CLCA4: variants seen among roughly 807,000 people sequenced by gnomAD.
CLCA4 encodes the protein chloride channel accessory 4, also known as calcium-activated chloride channel regulator 4.
Under a neutral mutation model 78.9 loss-of-function variants are expected in CLCA4, and 69 were observed. The observed-to-expected ratio is 0.87, with a 90% CI of 0.72 to 1.07. The LOEUF (loss-of-function observed/expected upper bound fraction) is 1.07. Ranked by LOEUF, CLCA4 falls within the 50% of genes least tolerant of loss-of-function variation. The pLI is 0.00. For synonymous variants in CLCA4, 362 were observed against 375.8 expected (o/e 0.96, Z 0.42); for missense variants, 1,133 against 1,095.8 (o/e 1.03, Z -0.48).
chr1:86,564,379 C>G (rs994715932), intron 4 of CLCA4, among the ~76,000 whole-genome samples: 1 of 152,140 alleles, frequency 6.6e-6, no homozygotes, highest in African/African-American at 2.4e-5. Flanking sequence ...TGATTTCAAT[C>G]AAGGTCCTTC....
chr1:86,573,651 G>A (rs1372651958), intron 9 of CLCA4, among the ~76,000 whole-genome samples: 1 of 151,986 alleles, frequency 6.6e-6, no homozygotes, highest in Non-Finnish European at 1.5e-5. Context: ...GATATAACCT[G>A]CAAACAAGTT....
chr1:86,553,266 G>C, intron 1 of CLCA4: 1 of 855,210 alleles, frequency 1.2e-6, no homozygotes. Flanking sequence ...CGAGGACACG[G>C]TCTTCAAGCC....
At position 86,554,986 on chromosome 1, in the gene CLCA4, G is replaced by A. The variant is rs921852623; in HGVS notation, c.160-4946G>A. Among the ~76,000 whole-genome samples the A allele has an allele frequency of 1.0e-4, 15 of 150,440 alleles. No homozygotes were observed. In the East Asian group the frequency reaches 2.7e-3, roughly 28 times the overall value. On this transcript the variant is annotated intron_variant, in intron 1 of 13. Transcript: ENST00000370563. ...ATACTGAGCTTTTTTTCACTTGCTT[G>A]TTGGCCACATGTCTATCTTCTTTTG...
Position 86,572,694 on chromosome 1 carries a change from AC to A in CLCA4, c.1442del (p.Thr481MetfsTer15). 1 of 1,598,340 alleles carries A rather than the reference AC, an allele frequency of 6.3e-7. No individual in the cohort carries two copies. Among genetic ancestry groups the A allele is most frequent in the African/African-American group, 1.3e-5 (1 of 74,742 alleles). Reference sequence around the variant, plus strand: ...TTTTGGGGCTCTTACATCAGGAAATACTGATCTCTCCCAGAAGTCCCTTCAG... The same window carrying A: ...TTTTGGGGCTCTTACATCAGGAAATATGATCTCTCCCAGAAGTCCCTTCAG... ...DAFGALTSGN[T>X]DLSQKSLQLE... is the part of the protein sequence containing the mutation. On this transcript the variant is annotated frameshift_variant, in exon 9 of 14. Transcript: ENST00000370563. LOFTEE classifies it high-confidence loss of function.
intron 1 of CLCA4, among the ~76,000 whole-genome samples, chr1:86,557,034 A>G (rs981279748): frequency 1.3e-5 from 2 of 152,020 alleles, no homozygotes; most frequent in African/African-American, 2.4e-5. Context: ...AGGGGTCAGC[A>G]TTAACATTCC....
chr1:86,563,638 G>T (rs747356384), intron 3 of CLCA4, 23 bp from the exon 4 acceptor site: 1 of 1,211,290 alleles, frequency 8.3e-7, no homozygotes, highest in East Asian at 2.4e-5. Context: ...TTATGATCAT[G>T]TATTTGAAAT....
chr1:86,569,657 A>G (rs1450558923), intron 7 of CLCA4, among the ~76,000 whole-genome samples: 1 of 151,992 alleles, frequency 6.6e-6, no homozygotes, highest in East Asian at 1.9e-4. Context: ...TACATAGCGA[A>G]TGTTCAGTAA....
rs988904120 is a variant in CLCA4, at chr1:86,579,352, A to C, written c.2123-2A>C. ...TTATAAACCAGGAAATGTTTAATGC[A>C]GGGGAAATTGAAGCAAACCCGCCAA... On this transcript the variant is annotated splice_acceptor_variant, in intron 12 of 13. Transcript: ENST00000370563. LOFTEE classifies it high-confidence loss of function. 2 of 1,610,140 alleles carry C rather than the reference A, an allele frequency of 1.2e-6. No homozygotes were observed. Among genetic ancestry groups the C allele is most frequent in the Middle Eastern group, 1.7e-4 (1 of 6,042 alleles).
At chr1:86,565,064 C>T (rs76950574) in intron 4 of CLCA4, among the ~76,000 whole-genome samples, 1 of 152,018 alleles carries the variant, frequency 6.6e-6, no homozygotes, top group Non-Finnish European at 1.5e-5. Flanking sequence ...TATCTGGAGG[C>T]CCCACTTAAA....
chr1:86,573,079 C>T, intron 9 of CLCA4: 1 of 278,810 alleles, frequency 3.6e-6, no homozygotes, highest in Non-Finnish European at 7.0e-6. Context: ...AAGCTTTCCC[C>T]ATGCTTAACT....
intron 1 of CLCA4, among the ~76,000 whole-genome samples, chr1:86,548,589 G>C (rs201960343): frequency 4.7e-5 from 7 of 150,342 alleles, no homozygotes; most frequent in Non-Finnish European, 7.4e-5. Flanking sequence ...GGCTGAGGCA[G>C]GAGAATTGCT....
rs764332274 is a variant in CLCA4, at chr1:86,579,418, T to C, written c.2187T>C (p.Asp729=). ...IDEDTQTTLE[D]FSRTASGGAF... Reference sequence around the variant, plus strand: ...AGGATACTCAGACCACCTTGGAGGATTTCAGCCGAACAGCATCCGGAGGTG... The same window carrying C: ...AGGATACTCAGACCACCTTGGAGGACTTCAGCCGAACAGCATCCGGAGGTG... Residue 729 remains aspartate, a synonymous_variant, in exon 13 of 14, where the codon GAT becomes GAC. Transcript: ENST00000370563. 1 of 1,613,256 alleles carries C rather than the reference T, an allele frequency of 6.2e-7. No homozygotes were observed. The highest frequency in any genetic ancestry group is 8.5e-7 in the Non-Finnish European group (1 of 1,179,536).
At chr1:86,566,880 G>A (rs897949582) in intron 6 of CLCA4, among the ~76,000 whole-genome samples, 11 of 152,020 alleles carry the variant, frequency 7.2e-5, no homozygotes, top group Admixed American at 5.9e-4. Context: ...GTGGAAAGGG[G>A]GCAGTGAGAG....
intron 4 of CLCA4, 113 bp from the exon 5 acceptor site, chr1:86,565,161 C>T (rs1028276935): frequency 1.8e-5 from 12 of 663,792 alleles, no homozygotes; most frequent in Non-Finnish European, 3.1e-5. Context: ...GTACATGGTA[C>T]CATAGAAGAA....
intron 3 of CLCA4, among the ~76,000 whole-genome samples, chr1:86,561,506 C>T (rs1219247301): frequency 6.6e-6 from 1 of 152,168 alleles, no homozygotes; most frequent in Non-Finnish European, 1.5e-5. Flanking sequence ...CTCAAAGCTA[C>T]TCAACAATAT....
At chr1:86,569,791 T>C (rs1306749572) in intron 7 of CLCA4, among the ~76,000 whole-genome samples, 1 of 151,976 alleles carries the variant, frequency 6.6e-6, no homozygotes, top group Non-Finnish European at 1.5e-5. Flanking sequence ...TCCATAAACA[T>C]TGTAAAATTG....
chr1:86,562,833 G>A (rs538354001), intron 3 of CLCA4, among the ~76,000 whole-genome samples: 52 of 143,650 alleles, frequency 3.6e-4, no homozygotes, highest in African/African-American at 1.3e-3. Flanking sequence ...CAGCCCAGGC[G>A]ACAGTGCGAG....
chr1:86,576,316 C>T (rs185046254), intron 11 of CLCA4, among the ~76,000 whole-genome samples: 7 of 151,942 alleles, frequency 4.6e-5, no homozygotes, highest in Admixed American at 3.9e-4. Flanking sequence ...GTGTGTGCCA[C>T]CATGCTCAGC....
At chr1:86,552,870 C>T (rs78801141) in intron 1 of CLCA4, 12,759 of 718,530 alleles carry the variant, frequency 0.018, 181 homozygotes, top group Non-Finnish European at 0.022. Context: ...GAGTGATTTG[C>T]GAAAGCTTCC....
Sources: gnomAD v4.1 joint callset for allele counts (sites outside exome capture counted in the v4.1 genomes callset) on GRCh38, gnomAD v4.1.1 for gene constraint, MANE v1.5 for transcripts, NCBI Gene and HGNC (gene_info 2026-07-23, HGNC 2026-07-21) for gene names.